The following CHIC2 variants were observed in gnomAD, a reference collection of about 807,000 sequenced individuals.
CHIC2 encodes the protein cysteine rich hydrophobic domain 2, also known as cysteine-rich hydrophobic domain-containing protein 2.
CHIC2 carries 14 observed loss-of-function variants against 25.9 expected under a neutral mutation model. The ratio of observed to expected loss-of-function variants is 0.54; its 90% CI spans 0.36 to 0.85. CHIC2 has a LOEUF of 0.85. Ranked by LOEUF, CHIC2 falls within the 40% of genes least tolerant of loss-of-function variation. CHIC2 has a pLI of 0.01. For synonymous variants in CHIC2, 70 were observed against 72.0 expected (o/e 0.97, Z 0.14); for missense variants, 146 against 202.0 (o/e 0.72, Z 1.68).
rs143983548 is a variant in CHIC2, at chr4:54,056,560, T to G, written c.120-7255A>C. Among the ~76,000 whole-genome samples the G allele has an allele frequency of 2.9e-3, 440 of 152,252 alleles. 3 individuals carry two copies. Among genetic ancestry groups the G allele is most frequent in the African/African-American group, 1.0e-2 (415 of 41,554 alleles). On this transcript the variant is annotated intron_variant, in intron 1 of 5. Coordinates refer to ENST00000263921, the MANE Select transcript of CHIC2 (RefSeq NM_012110.4). ...AACTAACCAAGGCCCACATTATGACTACAATGCAAGATCAAAGAGAATAAA... is the reference window on the plus strand; with the variant it reads ...AACTAACCAAGGCCCACATTATGACGACAATGCAAGATCAAAGAGAATAAA...
Position 54,014,117 on chromosome 4 carries a change from T to G in CHIC2, c.333A>C (p.Thr111=), listed in dbSNP as rs1715672964. Residue 111 remains threonine (T), a splice_region_variant and synonymous_variant, in exon 4 of 6, where the codon ACA becomes ACC. Transcript: ENST00000263921. Reference sequence around the variant, plus strand: ...CTAATAACTTCTCAATCGATCTTCGTGTCTGGAAGACAAATGAGAAAAAAG... The same window carrying G: ...CTAATAACTTCTCAATCGATCTTCGGGTCTGGAAGACAAATGAGAAAAAAG... ...MWPVICLSKR[T]RRSIEKLLEW... is the part of the protein sequence containing the mutation. 2 of 1,613,192 alleles carry G rather than the reference T, an allele frequency of 1.2e-6. No individual in the cohort carries two copies. Among genetic ancestry groups the G allele is most frequent in the Middle Eastern group, 1.7e-4 (1 of 6,054 alleles).
the CHIC2 span, among the ~76,000 whole-genome samples, chr4:54,086,701 C>T: frequency 3.1e-3 from 477 of 152,266 alleles, 4 homozygotes; most frequent in African/African-American, 0.011. Context: ...CTAGAAAGAT[C>T]TGGATTCTCA....
At chr4:54,010,636 A>G (rs1195672836) in intron 5 of CHIC2, among the ~76,000 whole-genome samples, 2 of 152,128 alleles carry the variant, frequency 1.3e-5, no homozygotes, top group Non-Finnish European at 2.9e-5. Flanking sequence ...GAGAAGTTGT[A>G]TCACAATTGA....
intron 3 of CHIC2, among the ~76,000 whole-genome samples, chr4:54,022,269 G>C (rs1157556777): frequency 6.6e-6 from 1 of 152,164 alleles, no homozygotes; most frequent in Admixed American, 6.5e-5. Flanking sequence ...TCTCAGCTTA[G>C]TGGCTGAAGA....
chr4:54,015,396 T>G (rs555312522), intron 3 of CHIC2, among the ~76,000 whole-genome samples: 1 of 152,276 alleles, frequency 6.6e-6, no homozygotes, highest in East Asian at 1.9e-4. Flanking sequence ...ACCTCACTTG[T>G]TTCTTTGTAA....
chr4:54,064,127 T>C lies in CHIC2; in HGVS notation c.119+55A>G. The C allele has an allele frequency of 2.0e-6, 3 of 1,483,692 alleles. No homozygotes were observed. The African/African-American group carries it at 4.2e-5, about 21-fold the overall frequency. 91.9% of individuals were successfully genotyped at this position (1,483,692 alleles called of 1,614,324 possible). Reference sequence around the variant, plus strand: ...CAGGGGAAACGGGGCTCCCGTGGAGTAACGGGGCCCACCCCAGCCCGCACC... The same window carrying C: ...CAGGGGAAACGGGGCTCCCGTGGAGCAACGGGGCCCACCCCAGCCCGCACC... On this transcript the variant is annotated intron_variant, in intron 1 of 5. Coordinates refer to ENST00000263921, the MANE Select transcript of CHIC2 (RefSeq NM_012110.4). This position sits in a 1 kb window ranked among gnomAD's most constrained non-coding sequence, Gnocchi z 4.2.
intron 1 of CHIC2, among the ~76,000 whole-genome samples, chr4:54,051,417 ATGAG>A (rs1042995846): frequency 2.0e-5 from 3 of 152,002 alleles, no homozygotes; most frequent in African/African-American, 7.2e-5. Flanking sequence ...TTCTAATCTC[ATGAG>A]TATTATTGTA....
intron 3 of CHIC2, among the ~76,000 whole-genome samples, 187 bp from the exon 4 acceptor site, chr4:54,014,306 AG>A (rs757052024): frequency 3.9e-5 from 6 of 152,178 alleles, no homozygotes; most frequent in Non-Finnish European, 7.4e-5. Context: ...TTCTTAAAAA[AG>A]ATATGCCTTT....
the CHIC2 span, among the ~76,000 whole-genome samples, chr4:54,083,360 A>G: frequency 6.6e-6 from 1 of 151,814 alleles, no homozygotes; most frequent in South Asian, 2.1e-4. Flanking sequence ...TCCAACTGCT[A>G]CTCTACATCA....
intron 3 of CHIC2, among the ~76,000 whole-genome samples, chr4:54,040,970 T>A (rs1716557944): frequency 6.7e-6 from 1 of 149,560 alleles, no homozygotes; most frequent in Non-Finnish European, 1.5e-5. Context: ...AAGTTGGGGA[T>A]AGATTTTTTT....
At chr4:54,030,523 G>GAA (rs375404677) in intron 3 of CHIC2, among the ~76,000 whole-genome samples, 5 of 114,796 alleles carry the variant, frequency 4.4e-5, no homozygotes, top group Admixed American at 9.9e-5. Flanking sequence ...TATCTCAAAA[G>GAA]AAAAAAAAAA....
At chr4:54,026,729 T>C (rs1366701553) in intron 3 of CHIC2, among the ~76,000 whole-genome samples, 1 of 152,136 alleles carries the variant, frequency 6.6e-6, no homozygotes, top group East Asian at 1.9e-4. Flanking sequence ...ACAGTTTTTG[T>C]CTTTTAAGTT....
rs368534023 is a variant in CHIC2 at position 54,047,095 on chromosome 4, A to T, written c.330+1860T>A. On this transcript the variant is annotated intron_variant, in intron 3 of 5. Transcript: ENST00000263921. ...AGAGAAATGCAAATCAAAACCACAAAGAGATACCATCTCACACCAGTTAGA... is the reference window on the plus strand; with the variant it reads ...AGAGAAATGCAAATCAAAACCACAATGAGATACCATCTCACACCAGTTAGA... Among the ~76,000 whole-genome samples the T allele has an allele frequency of 1.6e-3, 249 of 152,226 alleles. 1 individual carries two copies. In the South Asian group the frequency reaches 0.024, roughly 14 times the overall value.
upstream of CHIC2, chr4:54,065,200 T>C (rs1560401504): frequency 4.0e-6 from 2 of 501,558 alleles, no homozygotes; most frequent in Admixed American, 1.3e-4. Flanking sequence ...CTTGATCCCC[T>C]TAAGTATAAT....
Position 54,059,184 on chromosome 4 carries a change from A to G in CHIC2, c.119+4998T>C, listed in dbSNP as rs74705590. Among the ~76,000 whole-genome samples, 1,458 of 152,288 alleles carry G rather than the reference A, an allele frequency of 9.6e-3. 10 individuals are homozygous for G. Among genetic ancestry groups the G allele is most frequent in the South Asian group, 0.028 (137 of 4,834 alleles). Reference sequence around the variant, plus strand: ...CCAAAGATATGTATTATATCAAATTACCAAATTATAATCAAATTAATTTCC... The same window carrying G: ...CCAAAGATATGTATTATATCAAATTGCCAAATTATAATCAAATTAATTTCC... On this transcript the variant is annotated intron_variant, in intron 1 of 5. Transcript: ENST00000263921.
chr4:54,036,558 T>A (rs138994368), intron 3 of CHIC2, among the ~76,000 whole-genome samples: 316 of 152,250 alleles, frequency 2.1e-3, no homozygotes, highest in Middle Eastern at 6.8e-3. Flanking sequence ...TCTGCCCCCA[T>A]GATCCAATCA....
At chr4:54,082,756 T>C in the CHIC2 span, among the ~76,000 whole-genome samples, 2 of 152,126 alleles carry the variant, frequency 1.3e-5, no homozygotes, top group Non-Finnish European at 2.9e-5. Context: ...CTAGATAGAC[T>C]CACCAAAAGA....
intron 1 of CHIC2, among the ~76,000 whole-genome samples, chr4:54,052,605 C>G (rs1257720826): frequency 6.6e-6 from 1 of 152,106 alleles, no homozygotes; most frequent in Non-Finnish European, 1.5e-5. Context: ...ACCAAACATT[C>G]TACTAATCCA....
chr4:54,041,504 C>T (rs1021431793), intron 3 of CHIC2, among the ~76,000 whole-genome samples: 6 of 152,070 alleles, frequency 3.9e-5, no homozygotes, highest in Non-Finnish European at 7.4e-5. Context: ...CAACTAACTG[C>T]AATAGACTGA....
Sources: gnomAD v4.1 joint callset for allele counts (sites outside exome capture counted in the v4.1 genomes callset) on GRCh38, gnomAD v4.1.1 for gene constraint, Gnocchi (gnomAD v3.1) non-coding constraint, MANE v1.5 for transcripts, NCBI Gene and HGNC (gene_info 2026-07-23, HGNC 2026-07-21) for gene names.